The following LIN52 variants were observed in gnomAD, a reference collection of about 807,000 sequenced individuals.
LIN52 encodes lin-52 DREAM MuvB core complex component.
A neutral mutation model predicts 18.5 loss-of-function variants in LIN52; 4 were observed. The ratio of observed to expected loss-of-function variants is 0.22; its 90% CI spans 0.11 to 0.49. The LOEUF (loss-of-function observed/expected upper bound fraction) is 0.49, where lower values mean the gene tolerates loss of function less well. Among genes scored for constraint, LIN52 ranks in the 20% least tolerant of loss-of-function variants. The pLI is 0.97. For missense variants in LIN52, 102 were observed against 139.5 expected, an observed-to-expected ratio of 0.73 and a Z score of 1.35; for synonymous variants, 34 against 45.5, an observed-to-expected ratio of 0.75 and a Z score of 1.02.
intron 5 of LIN52, chr14:74,114,549 C>A: frequency 2.0e-6 from 1 of 492,610 alleles, no homozygotes; most frequent in Non-Finnish European, 2.6e-6. Flanking sequence ...GATGTTTTAG[C>A]CTAATTAATG....
At chr14:74,155,246 C>A (rs569874087) in intron 5 of LIN52, among the ~76,000 whole-genome samples, 80 of 152,340 alleles carry the variant, frequency 5.3e-4, no homozygotes, top group African/African-American at 1.8e-3. Flanking sequence ...AAGACACTTA[C>A]ATTTCCATAA....
intron 5 of LIN52, among the ~76,000 whole-genome samples, chr14:74,129,081 GA>G (rs1395580869): frequency 6.6e-6 from 1 of 152,172 alleles, no homozygotes; most frequent in Non-Finnish European, 1.5e-5. Flanking sequence ...TTAAATGTAT[GA>G]ATGAGTGAGT....
chr14:74,199,109 G>T lies in LIN52; in HGVS notation c.*132G>T. The T allele has an allele frequency of 1.5e-6, 1 of 646,338 alleles. No homozygotes were observed. Among genetic ancestry groups the T allele is most frequent in the Non-Finnish European group, 2.8e-6 (1 of 362,926 alleles). 40.0% of individuals were successfully genotyped at this position (646,338 alleles called of 1,614,324 possible). On this transcript the variant is annotated 3_prime_UTR_variant, in exon 6 of 6. Coordinates refer to ENST00000555028, the MANE Select transcript of LIN52 (RefSeq NM_001024674.3). ...TACCTCCAGGACTGCCCTCTCCCCT[G>T]CTCCTGGCACTCTACACGTCTGAGG...
rs144951171 is a variant in LIN52 at position 74,198,486 on chromosome 14, A to G, written c.284-436A>G. 8.7e-4 allele frequency among the ~76,000 whole-genome samples: 132 copies of G among 152,326 alleles called. 1 individual carries two copies. The highest frequency in any genetic ancestry group is 3.4e-3 in the Middle Eastern group (1 of 294). On this transcript the variant is annotated intron_variant, in intron 5 of 5. Transcript: ENST00000555028. ...ACTAACACTGCTGAGAGATAGGGTA[A>G]ATGATCTCTAATTTTGATTTGAGAT...
At chr14:74,097,692 C>A in intron 3 of LIN52, 102 bp from the exon 4 acceptor site, 2 of 808,578 alleles carry the variant, frequency 2.5e-6, no homozygotes, top group Non-Finnish European at 4.0e-6. Flanking sequence ...ATCCGCCCAC[C>A]TTGGCAGCCA....
intron 5 of LIN52, among the ~76,000 whole-genome samples, chr14:74,113,328 G>T (rs1464842810): frequency 6.6e-6 from 1 of 152,144 alleles, no homozygotes; most frequent in Non-Finnish European, 1.5e-5. Flanking sequence ...GGAGGCAGAG[G>T]TTGCGGTGAA....
intron 5 of LIN52, among the ~76,000 whole-genome samples, chr14:74,180,896 C>T (rs1482052246): frequency 6.6e-6 from 1 of 151,682 alleles, no homozygotes; most frequent in Non-Finnish European, 1.5e-5. Context: ...ATCACTTGAG[C>T]CAAGGAGTTC....
At chr14:74,184,368 C>A (rs899804556) in intron 5 of LIN52, among the ~76,000 whole-genome samples, 1 of 152,230 alleles carries the variant, frequency 6.6e-6, no homozygotes, top group African/African-American at 2.4e-5. Flanking sequence ...CACCCGGCCC[C>A]CACATTTTAA....
intron 5 of LIN52, among the ~76,000 whole-genome samples, chr14:74,158,123 A>ATTTT (rs757112159): frequency 0.1 from 14,950 of 146,898 alleles, 1,384 homozygotes; most frequent in East Asian, 0.54. Flanking sequence ...ATATATATAT[A>ATTTT]TATTTTTTTG....
intron 5 of LIN52, among the ~76,000 whole-genome samples, chr14:74,197,983 C>T (rs1048629051): frequency 6.6e-6 from 1 of 152,164 alleles, no homozygotes; most frequent in Admixed American, 6.5e-5. Flanking sequence ...TCTTGGGAGA[C>T]CACACAGCCT....
At chr14:74,198,690 G>C (rs56220902) in intron 5 of LIN52, among the ~76,000 whole-genome samples, 16,005 of 152,210 alleles carry the variant, frequency 0.11, 931 homozygotes, top group South Asian at 0.22. Context: ...ATCTTTCCCA[G>C]TCATTTGGCA....
chr14:74,174,692 G>A (rs1353664757), intron 5 of LIN52: 1 of 151,814 alleles, frequency 6.6e-6, no homozygotes, highest in African/African-American at 2.4e-5. Context: ...ATCACTAGCG[G>A]GATCATGCCT....
intron 5 of LIN52, among the ~76,000 whole-genome samples, chr14:74,161,847 A>T (rs2061226438): frequency 6.6e-6 from 1 of 152,230 alleles, no homozygotes; most frequent in African/African-American, 2.4e-5. Flanking sequence ...CAGAAGAGCC[A>T]CACGGTGCAA....
chr14:74,184,364 GC>G (rs537878670), intron 5 of LIN52, among the ~76,000 whole-genome samples: 104 of 152,216 alleles, frequency 6.8e-4, no homozygotes, highest in Non-Finnish European at 1.2e-3. Flanking sequence ...ACCACACCCG[GC>G]CCCCACATTT....
chr14:74,143,242 A>G (rs1341091845), intron 5 of LIN52, among the ~76,000 whole-genome samples: 1 of 152,046 alleles, frequency 6.6e-6, no homozygotes, highest in African/African-American at 2.4e-5. Context: ...ATACTCTCCT[A>G]TCTTACTCTG....
At chr14:74,100,771 T>C (rs2060848475) in intron 4 of LIN52, among the ~76,000 whole-genome samples, 1 of 152,150 alleles carries the variant, frequency 6.6e-6, no homozygotes, top group Non-Finnish European at 1.5e-5. Flanking sequence ...CCACCATGCC[T>C]GGCTGAATTT....
intron 5 of LIN52, among the ~76,000 whole-genome samples, chr14:74,193,431 A>G (rs1032935314): frequency 2.0e-5 from 3 of 146,496 alleles, no homozygotes; most frequent in Non-Finnish European, 4.6e-5. Flanking sequence ...AAAAAAAAAA[A>G]TCCTTCCATA....
intron 5 of LIN52, among the ~76,000 whole-genome samples, chr14:74,182,086 C>A (rs1432835729): frequency 6.6e-6 from 1 of 152,234 alleles, no homozygotes; most frequent in African/African-American, 2.4e-5. Context: ...TCTCGGCTCA[C>A]TGCAACTTCT....
intron 5 of LIN52, among the ~76,000 whole-genome samples, chr14:74,102,942 C>T (rs73303202): frequency 0.016 from 2,439 of 152,200 alleles, 64 homozygotes; most frequent in African/African-American, 0.056. Flanking sequence ...CAGTAATCAA[C>T]ATATAGCCAA....
Sources: gnomAD v4.1 joint callset for allele counts (sites outside exome capture counted in the v4.1 genomes callset) on GRCh38, gnomAD v4.1.1 for gene constraint, MANE v1.5 for transcripts, NCBI Gene and HGNC (gene_info 2026-07-23, HGNC 2026-07-21) for gene names.